RBM46: variants seen among roughly 807,000 people sequenced by gnomAD.
RBM46 encodes the protein probable RNA-binding protein 46.
Under a neutral mutation model 43.3 loss-of-function variants are expected in RBM46, and 12 were observed. The observed-to-expected ratio is 0.28, with a 90% CI of 0.18 to 0.45. The LOEUF is 0.45. Among genes scored for constraint, RBM46 ranks in the 20% least tolerant of loss-of-function variants. The probability of loss-of-function intolerance (pLI) is 1.00; values close to 1 mark genes in which losing one functional copy is unlikely to be tolerated. For missense variants in RBM46, 412 were observed against 639.1 expected (o/e 0.64, Z 3.83); for synonymous variants, 205 against 207.6 (o/e 0.99, Z 0.11).
At chr4:154,816,166 AATATTTTC>A (rs1432731436) in intron 4 of RBM46, among the ~76,000 whole-genome samples, 1 of 152,132 alleles carries the variant, frequency 6.6e-6, no homozygotes, top group Non-Finnish European at 1.5e-5. Flanking sequence ...TTTTGTAAAT[AATATTTTC>A]TCACTTATTT....
intron 4 of RBM46, among the ~76,000 whole-genome samples, chr4:154,799,915 A>G (rs1237059229): frequency 2.0e-5 from 3 of 152,024 alleles, no homozygotes; most frequent in Admixed American, 6.5e-5. Context: ...ACGTGCCACC[A>G]TGCCAGGCTA....
intron 4 of RBM46, among the ~76,000 whole-genome samples, chr4:154,800,355 C>T (rs1734574325): frequency 6.6e-6 from 1 of 152,054 alleles, no homozygotes; most frequent in Non-Finnish European, 1.5e-5. Context: ...TTTATGCTCA[C>T]CAATCTGGAA....
intron 4 of RBM46, among the ~76,000 whole-genome samples, chr4:154,813,668 A>T (rs1735293383): frequency 6.6e-6 from 1 of 151,994 alleles, no homozygotes; most frequent in Non-Finnish European, 1.5e-5. Flanking sequence ...GTTATTTCTA[A>T]TCTTAGTTTA....
chr4:154,824,186 A>G (rs1365554195), intron 4 of RBM46, among the ~76,000 whole-genome samples: 1 of 151,734 alleles, frequency 6.6e-6, no homozygotes, highest in African/African-American at 2.4e-5. Flanking sequence ...CTGAAATGAG[A>G]GGTTGGAATG....
chr4:154,826,265 C>G (rs1383667885), intron 4 of RBM46, among the ~76,000 whole-genome samples: 2 of 151,878 alleles, frequency 1.3e-5, no homozygotes, highest in Non-Finnish European at 2.9e-5. Context: ...CAAGACCAGC[C>G]CGGCCAACAT....
chr4:154,818,949 A>G (rs1443374728), intron 4 of RBM46, among the ~76,000 whole-genome samples: 1 of 151,848 alleles, frequency 6.6e-6, no homozygotes, highest in Admixed American at 6.6e-5. Context: ...TTAGTCTTTT[A>G]TTTTCTTGAG....
intron 1 of RBM46, among the ~76,000 whole-genome samples, chr4:154,786,077 C>G (rs1733748269): frequency 6.6e-6 from 1 of 152,086 alleles, no homozygotes; most frequent in African/African-American, 2.4e-5. Context: ...AAGTTGGTTG[C>G]TCAGTCAATC....
chr4:154,804,400 C>G (rs1734804356), intron 4 of RBM46, among the ~76,000 whole-genome samples: 1 of 152,184 alleles, frequency 6.6e-6, no homozygotes, highest in Non-Finnish European at 1.5e-5. Context: ...TAGTACTTCT[C>G]TTTCTAAAAG....
intron 1 of RBM46, among the ~76,000 whole-genome samples, chr4:154,786,136 G>A (rs552443272): frequency 2.6e-5 from 4 of 152,260 alleles, no homozygotes; most frequent in Admixed American, 2.6e-4. Flanking sequence ...CCCCAGGCTG[G>A]AATGCAGTGG....
In RBM46 at chr4:154,806,876, T is replaced by A. The variant is rs187952434; in HGVS notation, c.1402+7312T>A. Among the ~76,000 whole-genome samples, 3 of 151,964 alleles carry A rather than the reference T, an allele frequency of 2.0e-5. No homozygotes were observed. In the East Asian group the frequency reaches 5.8e-4, roughly 29 times the overall value. On this transcript the variant is annotated intron_variant, in intron 4 of 4. Transcript: ENST00000281722. Reference sequence around the variant, plus strand: ...TAATGATGTGTATCAAAACATGCCATGTGGGGAGTATCTGTCCCATAGGTT... The same window carrying A: ...TAATGATGTGTATCAAAACATGCCAAGTGGGGAGTATCTGTCCCATAGGTT...
At chr4:154,803,476 G>A (rs534144913) in intron 4 of RBM46, among the ~76,000 whole-genome samples, 1 of 151,880 alleles carries the variant, frequency 6.6e-6, no homozygotes, top group African/African-American at 2.4e-5. Flanking sequence ...TAAGGCGGGC[G>A]GATCACTTGA....
chr4:154,797,566 A>G (rs1035012296), intron 2 of RBM46, among the ~76,000 whole-genome samples: 14 of 152,156 alleles, frequency 9.2e-5, no homozygotes, highest in African/African-American at 3.4e-4. Flanking sequence ...TCACGTACCC[A>G]GAGATTTGCC....
chr4:154,803,461 G>C (rs989002103), intron 4 of RBM46, among the ~76,000 whole-genome samples: 2 of 152,066 alleles, frequency 1.3e-5, no homozygotes, highest in African/African-American at 4.8e-5. Flanking sequence ...AGCACTTTGG[G>C]AGGCTAAGGC....
chr4:154,806,897 A>T (rs1371920533), intron 4 of RBM46, among the ~76,000 whole-genome samples: 1 of 151,798 alleles, frequency 6.6e-6, no homozygotes, highest in Non-Finnish European at 1.5e-5. Context: ...TCTGTCCCAT[A>T]GGTTTATTAA....
rs1214268413 is a variant in RBM46 at position 154,792,187 on chromosome 4, TTCTC to T, written c.-11-4551_-11-4548del. 1.1e-4 allele frequency among the ~76,000 whole-genome samples: 16 copies of T among 152,304 alleles called. No homozygotes were observed. The South Asian group carries it at 3.3e-3, about 32-fold the overall frequency. On this transcript the variant is annotated intron_variant, in intron 1 of 4. Transcript: ENST00000281722. The stretch of plus-strand genomic sequence containing the variant: ...TTATCAATTTAATAGCACTATTACT[TTCTC>T]TCTTAGTCTCGTTTTATGTATTTTT...
chr4:154,808,630 C>T (rs920960088), intron 4 of RBM46, among the ~76,000 whole-genome samples: 1 of 151,706 alleles, frequency 6.6e-6, no homozygotes, highest in African/African-American at 2.4e-5. Context: ...TCTGTAGTTA[C>T]GAATTTATGA....
At chr4:154,788,491 G>T (rs970539454) in intron 1 of RBM46, among the ~76,000 whole-genome samples, 1 of 152,124 alleles carries the variant, frequency 6.6e-6, no homozygotes, top group Non-Finnish European at 1.5e-5. Context: ...AAGATCAGAT[G>T]GTTGTAGATG....
At chr4:154,782,602 A>G (rs1171907556) in intron 1 of RBM46, among the ~76,000 whole-genome samples, 2 of 151,754 alleles carry the variant, frequency 1.3e-5, no homozygotes, top group African/African-American at 4.8e-5. Context: ...TCCTGCCTCA[A>G]ACTCTCGGGA....
rs1410353679 is a variant in RBM46 at position 154,798,916 on chromosome 4, A to G, written c.754A>G (p.Ile252Val). 1.2e-6 allele frequency: 2 copies of G among 1,613,646 alleles called. No individual in the cohort carries two copies. Among genetic ancestry groups the G allele is most frequent in the Non-Finnish European group, 1.7e-6 (2 of 1,179,812 alleles). Residue 252 changes from isoleucine (I) to valine (V), a missense_variant, in exon 4 of 5, where the codon ATT becomes GTT. Physicochemically the swap from Ile to Val is conservative, Grantham distance 29. Transcript: ENST00000281722. The stretch of plus-strand genomic sequence containing the variant: ...AATGATCTCAACTACAGAGGAAACA[A>G]TTAAAGCAGAATTCAATAAATTTAA... ...NLMISTTEET[I>V]KAEFNKFKPG... is the part of the protein sequence containing the mutation.
Sources: allele counts gnomAD v4.1 joint callset (sites outside exome capture counted in the v4.1 genomes callset), GRCh38; gene constraint gnomAD v4.1.1; transcripts MANE v1.5; gene names NCBI Gene and HGNC (gene_info 2026-07-23, HGNC 2026-07-21).